The following TENM4 variants were observed in gnomAD, a reference collection of about 807,000 sequenced individuals.
TENM4 encodes teneurin transmembrane protein 4.
TENM4 carries 82 observed loss-of-function variants against 243.3 expected under a neutral mutation model. The ratio of observed to expected loss-of-function variants is 0.34; its 90% CI spans 0.28 to 0.40. The LOEUF (loss-of-function observed/expected upper bound fraction) is 0.40. TENM4 is among the 10% of genes least tolerant of loss of function. The pLI is 1.00. For synonymous variants in TENM4, 1,412 were observed against 1,456.3 expected, an observed-to-expected ratio of 0.97 and a Z score of 0.69; for missense variants, 3,138 against 3,673.3, an observed-to-expected ratio of 0.85 and a Z score of 3.77.
At chr11:79,403,669 C>T (rs1299325578) in intron 1 of TENM4, among the ~76,000 whole-genome samples, 2 of 152,128 alleles carry the variant, frequency 1.3e-5, no homozygotes, top group African/African-American at 4.8e-5. Context: ...TTCCTCCCAC[C>T]CCCAGTTGTC....
At chr11:79,121,471 A>AGACTCTGGGTTCCC in intron 4 of TENM4, among the ~76,000 whole-genome samples, 1 of 152,334 alleles carries the variant, frequency 6.6e-6, no homozygotes, top group African/African-American at 2.4e-5. Context: ...TGTACTGAAA[A>AGACTCTGGGTTCCC]GACTCTGGGT....
chr11:78,958,497 A>G (rs567043527), intron 6 of TENM4, among the ~76,000 whole-genome samples: 96 of 152,268 alleles, frequency 6.3e-4, no homozygotes, highest in Non-Finnish European at 1.2e-3. Flanking sequence ...TTGGGGAAGG[A>G]TTAGGATTTT....
Position 78,669,017 on chromosome 11 carries a change from TTGC to T in TENM4, c.7325_7327del (p.Ser2442del). ...CATATAGAGATTAAAAGGCATGACG[TTGC>T]TGCTACTAAGGTGCTTCCACAGCTC... On this transcript the variant is annotated inframe_deletion, in exon 32 of 34. Transcript: ENST00000278550. The surrounding 1 kb of genome is among the most constrained non-coding windows in gnomAD (Gnocchi z 6.4). 6.2e-7 allele frequency: 1 copy of T among 1,613,962 alleles called. No individual in the cohort carries two copies. Among genetic ancestry groups the T allele is most frequent in the Non-Finnish European group, 8.5e-7 (1 of 1,179,884 alleles).
At chr11:78,960,325 G>A (rs541231732) in intron 6 of TENM4, among the ~76,000 whole-genome samples, 31 of 152,186 alleles carry the variant, frequency 2.0e-4, no homozygotes, top group Admixed American at 1.9e-3. Context: ...AATCCTGTCA[G>A]AAGAGAATCA....
chr11:79,252,003 T>C (rs1021998307), intron 2 of TENM4, among the ~76,000 whole-genome samples: 8 of 151,790 alleles, frequency 5.3e-5, no homozygotes, highest in Non-Finnish European at 1.2e-4. Context: ...AGATCTAACA[T>C]ACAACTAATG....
chr11:79,204,450 T>C (rs1863808516), intron 3 of TENM4, among the ~76,000 whole-genome samples: 1 of 152,186 alleles, frequency 6.6e-6, no homozygotes. Context: ...CTGGGAGCTG[T>C]GACTAGAAGT....
intron 2 of TENM4, among the ~76,000 whole-genome samples, chr11:79,253,595 G>A (rs1855650948): frequency 6.6e-6 from 1 of 152,136 alleles, no homozygotes; most frequent in Non-Finnish European, 1.5e-5. Context: ...GCAGCTGCTG[G>A]GGAACTGTCT....
chr11:78,917,777 G>A (rs1856350271), intron 6 of TENM4, among the ~76,000 whole-genome samples: 3 of 152,154 alleles, frequency 2.0e-5, no homozygotes, highest in African/African-American at 7.2e-5. Flanking sequence ...AGGTTTAAGA[G>A]GAACGTAATA....
intron 4 of TENM4, among the ~76,000 whole-genome samples, chr11:79,136,043 T>A (rs1034954664): frequency 6.6e-6 from 1 of 151,072 alleles, no homozygotes; most frequent in African/African-American, 2.4e-5. Flanking sequence ...TGGGGAAGAG[T>A]GGGTTGGGGG....
At chr11:79,265,067 G>A (rs561888455) in intron 2 of TENM4, among the ~76,000 whole-genome samples, 13 of 152,284 alleles carry the variant, frequency 8.5e-5, no homozygotes, top group African/African-American at 2.9e-4. Context: ...TTGAGATACA[G>A]TACAGGAAAA....
At chr11:78,772,117 G>GA (rs1565372478) in intron 17 of TENM4, among the ~76,000 whole-genome samples, 1 of 152,150 alleles carries the variant, frequency 6.6e-6, no homozygotes, top group Non-Finnish European at 1.5e-5. Context: ...TGATCAAGAA[G>GA]GGTCAGGCAA....
chr11:79,290,039 G>A (rs183860510), intron 2 of TENM4, among the ~76,000 whole-genome samples: 3 of 151,434 alleles, frequency 2.0e-5, no homozygotes, highest in African/African-American at 7.3e-5. Flanking sequence ...CAGGTGATCC[G>A]CCCACCTCAG....
chr11:78,997,906 G>A (rs962244346), intron 6 of TENM4, among the ~76,000 whole-genome samples: 1 of 152,138 alleles, frequency 6.6e-6, no homozygotes, highest in South Asian at 2.1e-4. Context: ...CCTTATAAGA[G>A]GAGGAAAAGA....
chr11:79,310,426 G>C (rs1856699850), intron 1 of TENM4, among the ~76,000 whole-genome samples: 1 of 152,190 alleles, frequency 6.6e-6, no homozygotes, highest in South Asian at 2.1e-4. Context: ...AAAATAAGTT[G>C]TTTTGGGGGT....
chr11:79,247,154 C>T (rs770984727), intron 2 of TENM4, among the ~76,000 whole-genome samples: 22 of 151,874 alleles, frequency 1.4e-4, no homozygotes, highest in Non-Finnish European at 2.6e-4. Context: ...CGGTGTCTCA[C>T]GCCTGTAATC....
intron 6 of TENM4, among the ~76,000 whole-genome samples, chr11:79,050,865 G>C (rs1417313771): frequency 1.3e-5 from 2 of 152,216 alleles, no homozygotes; most frequent in Admixed American, 6.5e-5. Flanking sequence ...AAAGTGGCCT[G>C]AAGAAAATCA....
intron 6 of TENM4, among the ~76,000 whole-genome samples, chr11:78,964,366 AC>A (rs1442013147): frequency 1.3e-5 from 2 of 151,962 alleles, no homozygotes; most frequent in African/African-American, 4.8e-5. Flanking sequence ...CTTAAGGTTA[AC>A]CCCTGAGCTT....
At chr11:79,276,218 A>G (rs1312375653) in intron 2 of TENM4, among the ~76,000 whole-genome samples, 2 of 152,192 alleles carry the variant, frequency 1.3e-5, no homozygotes, top group Admixed American at 6.5e-5. Context: ...TGCCAAGTAT[A>G]CTTATACAGT....
chr11:78,889,976 G>A lies in TENM4; in HGVS notation c.893C>T (p.Thr298Ile). Reference sequence around the variant, plus strand: ...CGTCAGTGGGTACCCTGGTGATGTGGTGCAGAAGAGCGGGGAGGTGCCTCC... The same window carrying A: ...CGTCAGTGGGTACCCTGGTGATGTGATGCAGAAGAGCGGGGAGGTGCCTCC... ...KPGGTSPLFC[T>I]TSPGYPLTSS... Residue 298 changes from threonine to isoleucine, a missense_variant, in exon 9 of 34, where the codon ACC (threonine) becomes ATC (isoleucine). Around this residue, in one of 2 missense-constraint regions of TENM4, gnomAD observed 671 missense variants for 614.1 expected, o/e 1.09. Transcript: ENST00000278550. 2 of 1,550,062 alleles carry A rather than the reference G, an allele frequency of 1.3e-6. No homozygotes were observed. Among genetic ancestry groups the A allele is most frequent in the Non-Finnish European group, 1.7e-6 (2 of 1,145,818 alleles).
Sources: allele counts gnomAD v4.1 joint callset (sites outside exome capture counted in the v4.1 genomes callset), GRCh38; gene constraint gnomAD v4.1.1; regional missense constraint gnomAD v4.1.1; non-coding constraint Gnocchi (gnomAD v3.1); transcripts MANE v1.5; gene names NCBI Gene and HGNC (gene_info 2026-07-23, HGNC 2026-07-21).